Variants in ERBB4 observed in about 807,000 individuals in gnomAD.
The protein encoded by ERBB4 is receptor tyrosine-protein kinase erbB-4.
ERBB4 carries 42 observed loss-of-function variants against 158.0 expected under a neutral mutation model. The ratio of observed to expected loss-of-function variants is 0.27; its 90% CI spans 0.21 to 0.34. The LOEUF is 0.34. Among genes scored for constraint, ERBB4 ranks in the 10% least tolerant of loss-of-function variants. The probability of loss-of-function intolerance (pLI) is 1.00; values close to 1 mark genes in which losing one functional copy is unlikely to be tolerated. For synonymous variants in ERBB4, 583 were observed against 558.7 expected (o/e 1.04, Z -0.61); for missense variants, 1,333 against 1,624.1 (o/e 0.82, Z 3.08).
At chr2:212,016,373 A>C (rs2076530147) in intron 2 of ERBB4, among the ~76,000 whole-genome samples, 1 of 152,158 alleles carries the variant, frequency 6.6e-6, no homozygotes. Flanking sequence ...AACAGAAAAC[A>C]ATTCGAGATA....
intron 1 of ERBB4, among the ~76,000 whole-genome samples, chr2:212,436,978 G>T (rs2092151210): frequency 6.6e-6 from 1 of 151,940 alleles, no homozygotes. Context: ...GTAAACCAGA[G>T]GATTTTAGTA....
At chr2:211,843,846 A>C (rs1363422990) in intron 3 of ERBB4, among the ~76,000 whole-genome samples, 2 of 152,190 alleles carry the variant, frequency 1.3e-5, no homozygotes, top group South Asian at 4.1e-4. Flanking sequence ...TAAAAATCTA[A>C]GCAGGTTTGA....
At chr2:211,807,458 A>G (rs933018012) in intron 3 of ERBB4, among the ~76,000 whole-genome samples, 4 of 152,108 alleles carry the variant, frequency 2.6e-5, no homozygotes, top group Non-Finnish European at 5.9e-5. Context: ...CCATGTCCCT[A>G]CAAAGGACGT....
At chr2:211,905,738 GTGTGTGTA>G (rs749034291) in intron 3 of ERBB4, among the ~76,000 whole-genome samples, 8,418 of 108,164 alleles carry the variant, frequency 0.078, 441 homozygotes, top group Non-Finnish European at 0.11. Flanking sequence ...GTGTGTGCAT[GTGTGTGTA>G]TATATATATA....
intron 1 of ERBB4, among the ~76,000 whole-genome samples, chr2:212,531,948 T>C (rs1364035103): frequency 1.3e-5 from 2 of 152,162 alleles, no homozygotes; most frequent in Non-Finnish European, 2.9e-5. Context: ...ACTCTCCAAA[T>C]ATAAATTAAA....
At chr2:211,396,794 A>G (rs1283193462) in intron 25 of ERBB4, among the ~76,000 whole-genome samples, 1 of 152,194 alleles carries the variant, frequency 6.6e-6, no homozygotes, top group Non-Finnish European at 1.5e-5. Context: ...AAATATCTTC[A>G]GTTATGCTAG....
chr2:212,174,733 T>A (rs889226301), intron 1 of ERBB4, among the ~76,000 whole-genome samples: 1 of 152,098 alleles, frequency 6.6e-6, no homozygotes, highest in African/African-American at 2.4e-5. Flanking sequence ...ATGTCTATCA[T>A]GAGTACAACT....
intron 1 of ERBB4, among the ~76,000 whole-genome samples, chr2:212,251,730 A>C (rs752068668): frequency 2.6e-5 from 4 of 152,042 alleles, no homozygotes; most frequent in Non-Finnish European, 5.9e-5. Context: ...AAGAAAAGCA[A>C]GCAAGGGTGA....
intron 1 of ERBB4, among the ~76,000 whole-genome samples, chr2:212,534,319 G>A (rs574308219): frequency 3.3e-5 from 5 of 152,262 alleles, no homozygotes; most frequent in African/African-American, 9.6e-5. Context: ...ACAATTCATT[G>A]CCTCACTAGC....
At chr2:211,640,604 C>T (rs528048096) in intron 16 of ERBB4, among the ~76,000 whole-genome samples, 1 of 152,196 alleles carries the variant, frequency 6.6e-6, no homozygotes, top group Non-Finnish European at 1.5e-5. Context: ...AGCCTAGACT[C>T]TTAGTATATT....
At chr2:211,521,937 T>C (rs1279553508) in intron 20 of ERBB4, among the ~76,000 whole-genome samples, 1 of 152,146 alleles carries the variant, frequency 6.6e-6, no homozygotes, top group African/African-American at 2.4e-5. Context: ...TCTTCCCAAG[T>C]ATAATGGCTA....
intron 3 of ERBB4, among the ~76,000 whole-genome samples, chr2:211,797,416 G>T (rs966673111): frequency 5.3e-5 from 8 of 151,838 alleles, no homozygotes; most frequent in African/African-American, 1.9e-4. Flanking sequence ...CACAATGTGT[G>T]ATTTCTACAC....
intron 16 of ERBB4, among the ~76,000 whole-genome samples, chr2:211,649,016 T>G (rs942863273): frequency 7.2e-5 from 11 of 151,876 alleles, no homozygotes; most frequent in African/African-American, 2.7e-4. Context: ...ACTGTGCCTA[T>G]GTTTGTTCAT....
chr2:211,699,380 A>G (rs1170581369), intron 12 of ERBB4, among the ~76,000 whole-genome samples: 1 of 152,310 alleles, frequency 6.6e-6, no homozygotes, highest in East Asian at 1.9e-4. Context: ...TTTACAGTGC[A>G]TTTAAAATGA....
chr2:211,884,950 G>T (rs2106161956), intron 3 of ERBB4, among the ~76,000 whole-genome samples: 1 of 152,028 alleles, frequency 6.6e-6, no homozygotes, highest in South Asian at 2.1e-4. Flanking sequence ...AATAAAAATA[G>T]ATATTTATGT....
chr2:211,897,440 C>CAA (rs199740793), intron 3 of ERBB4, among the ~76,000 whole-genome samples: 1,041 of 101,134 alleles, frequency 0.01, 11 homozygotes, highest in African/African-American at 0.033. Context: ...GTATAATTTG[C>CAA]AAAAAAAAAA....
chr2:211,591,941 GA>G (rs2068480154), intron 19 of ERBB4, among the ~76,000 whole-genome samples: 4 of 152,190 alleles, frequency 2.6e-5, no homozygotes, highest in African/African-American at 9.7e-5. Context: ...GCGAGTTAGA[GA>G]AAACGCCACT....
Position 211,829,584 on chromosome 2 carries a change from G to C in ERBB4, c.422-41425C>G, listed in dbSNP as rs529337976. On this transcript the variant is annotated intron_variant, in intron 3 of 27. Coordinates refer to ENST00000342788, the MANE Select transcript of ERBB4 (RefSeq NM_005235.3). ...TTTATCATCTGCTTCTCACTGCTAGGACATACTTTTTAAAGGACAGAGATA... is the reference window on the plus strand; with the variant it reads ...TTTATCATCTGCTTCTCACTGCTAGCACATACTTTTTAAAGGACAGAGATA... Among the ~76,000 whole-genome samples the C allele has an allele frequency of 1.5e-3, 225 of 151,994 alleles. 1 individual carries two copies. The highest frequency in any genetic ancestry group is 5.0e-3 in the African/African-American group (209 of 41,456).
intron 18 of ERBB4, among the ~76,000 whole-genome samples, chr2:211,622,996 T>A (rs1387330090): frequency 0.014 from 95 of 6,668 alleles, 18 homozygotes; most frequent in African/African-American, 0.051. Context: ...AAAAAATATA[T>A]ATATATATAT....
Sources: allele counts gnomAD v4.1 joint callset (sites outside exome capture counted in the v4.1 genomes callset), GRCh38; gene constraint gnomAD v4.1.1; transcripts MANE v1.5; gene names NCBI Gene and HGNC (gene_info 2026-07-23, HGNC 2026-07-21).